The following ACOT8 variants were observed in gnomAD, a reference collection of about 807,000 sequenced individuals.
ACOT8 encodes the protein acyl-coenzyme A thioesterase 8.
In ACOT8, 31 loss-of-function variants were observed where a neutral mutation model predicts 38.4. The observed-to-expected ratio is 0.81, with a 90% confidence interval of 0.61 to 1.09. The LOEUF is 1.09. Among genes scored for constraint, ACOT8 ranks in the 50% least tolerant of loss-of-function variants. The probability of loss-of-function intolerance (pLI) is 0.00; values close to 1 mark genes in which losing one functional copy is unlikely to be tolerated. For synonymous variants in ACOT8, 158 were observed against 170.3 expected (o/e 0.93, Z 0.56); for missense variants, 373 against 421.8 (o/e 0.88, Z 1.01).
chr20:45,846,743 C>A (rs1007696815), intron 3 of ACOT8, among the ~76,000 whole-genome samples: 12 of 152,274 alleles, frequency 7.9e-5, no homozygotes, highest in Admixed American at 5.2e-4. Flanking sequence ...TGTGTCTATC[C>A]TTTGTCTGGA....
intron 3 of ACOT8, among the ~76,000 whole-genome samples, chr20:45,846,772 G>A (rs1336313864): frequency 6.6e-6 from 1 of 152,128 alleles, no homozygotes; most frequent in East Asian, 1.9e-4. Flanking sequence ...TCTTTCCCCT[G>A]TACCAGCATT....
At chr20:45,851,627 A>G (rs1418188681) in intron 2 of ACOT8, among the ~76,000 whole-genome samples, 1 of 152,242 alleles carries the variant, frequency 6.6e-6, no homozygotes, top group South Asian at 2.1e-4. Flanking sequence ...TGGTCTCACA[A>G]TAACTATGTA....
rs754676114 is a variant in ACOT8 at position 45,843,521 on chromosome 20, A to G, written c.841+6T>C. ...GTGCCCTTGTCCCACACGGCCCCACACTCACCGGCCCAGGGGCTCTCGCAT... is the reference window on the plus strand; with the variant it reads ...GTGCCCTTGTCCCACACGGCCCCACGCTCACCGGCCCAGGGGCTCTCGCAT... On this transcript the variant is annotated splice_donor_region_variant and intron_variant, in intron 5 of 5. Transcript: ENST00000217455. The G allele has an allele frequency of 5.0e-6, 8 of 1,608,870 alleles. No individual in the cohort carries two copies. Among genetic ancestry groups the G allele is most frequent in the East Asian group, 2.2e-5 (1 of 44,700 alleles).
rs892504403 is a variant in ACOT8 at position 45,841,854 on chromosome 20, G to C, written c.944C>G (p.Ser315Ter). The change falls in exon 6 of 6, where the codon TCA (serine) becomes TGA (stop). Residue 315 changes from serine to a stop codon, truncating the protein, a stop_gained. Coordinates refer to ENST00000217455, the MANE Select transcript of ACOT8 (RefSeq NM_005469.4). LOFTEE classifies it high-confidence loss of function. ...TACCTCTGGCTACAGCTTGCTCTCT[G>C]AGACCTGGGGCTTCACTCGGATCAC... ...EGVIRVKPQVSESKL is the reference protein window; with the variant it reads ...EGVIRVKPQV The C allele has an allele frequency of 4.0e-5, 64 of 1,605,664 alleles. No individual in the cohort carries two copies. Among genetic ancestry groups the C allele is most frequent in the East Asian group, 8.9e-5 (4 of 44,752 alleles).
At chr20:45,852,281 ACT>A (rs1985115286) in intron 2 of ACOT8, among the ~76,000 whole-genome samples, 1 of 149,754 alleles carries the variant, frequency 6.7e-6, no homozygotes, top group Admixed American at 6.6e-5. Flanking sequence ...GATTCTCCTG[ACT>A]CAGCCTCCTG....
chr20:45,842,111 G>A, intron 5 of ACOT8, 155 bp from the exon 6 acceptor site: 1 of 1,534,592 alleles, frequency 6.5e-7, no homozygotes, highest in Non-Finnish European at 8.7e-7. Context: ...GAGCAGCTGG[G>A]ATTACAGGCG....
intron 1 of ACOT8, among the ~76,000 whole-genome samples, chr20:45,856,283 G>A (rs951070199): frequency 6.6e-6 from 1 of 151,608 alleles, no homozygotes; most frequent in African/African-American, 2.4e-5. Context: ...AAATCAAATA[G>A]CCCTCCAAGA....
intron 2 of ACOT8, among the ~76,000 whole-genome samples, chr20:45,851,084 G>C (rs767388051): frequency 6.6e-6 from 1 of 152,186 alleles, no homozygotes; most frequent in Non-Finnish European, 1.5e-5. Context: ...AGCAGGTCTA[G>C]AGAAGTGTTG....
intron 2 of ACOT8, chr20:45,853,749 C>T (rs1601100859): frequency 2.8e-6 from 1 of 362,878 alleles, no homozygotes; most frequent in Non-Finnish European, 5.2e-6. Flanking sequence ...TATTCAAATA[C>T]TTTATAGCAG....
chr20:45,850,498 T>C (rs568409910), intron 2 of ACOT8, among the ~76,000 whole-genome samples: 2 of 152,314 alleles, frequency 1.3e-5, no homozygotes, highest in South Asian at 4.1e-4. Flanking sequence ...GTTGCTGCTA[T>C]TGTGCGTCAG....
chr20:45,848,418 A>G (rs372718378), intron 3 of ACOT8, 32 bp downstream of exon 3: 27 of 1,518,140 alleles, frequency 1.8e-5, no homozygotes, highest in Middle Eastern at 1.8e-4. Flanking sequence ...TGCATTTTGA[A>G]AAGTCTGCCA....
intron 2 of ACOT8, among the ~76,000 whole-genome samples, chr20:45,852,377 C>A (rs1261819914): frequency 6.6e-6 from 1 of 151,716 alleles, no homozygotes; most frequent in East Asian, 1.9e-4. Flanking sequence ...TGGAGTTTCG[C>A]CACATTGTCC....
At chr20:45,852,080 G>A (rs13041788) in intron 2 of ACOT8, among the ~76,000 whole-genome samples, 69,024 of 151,806 alleles carry the variant, frequency 0.45, 16,890 homozygotes, top group Non-Finnish European at 0.55. Context: ...ACCTCCAGCC[G>A]CCGGGTTCAA....
intron 3 of ACOT8, among the ~76,000 whole-genome samples, chr20:45,846,738 C>T (rs889301107): frequency 6.6e-6 from 1 of 152,190 alleles, no homozygotes; most frequent in Non-Finnish European, 1.5e-5. Context: ...ATCCATGTGT[C>T]TATCCTTTGT....
At chr20:45,853,989 G>A (rs539726824) in intron 2 of ACOT8, 10 of 1,302,384 alleles carry the variant, frequency 7.7e-6, no homozygotes, top group Non-Finnish European at 9.1e-6. Context: ...TCTGCTCTGG[G>A]GGTAACAGGG....
At chr20:45,850,817 G>T (rs940671549) in intron 2 of ACOT8, among the ~76,000 whole-genome samples, 7 of 152,192 alleles carry the variant, frequency 4.6e-5, no homozygotes, top group Non-Finnish European at 8.8e-5. Flanking sequence ...AGCCATGACT[G>T]CGTCACTGTG....
chr20:45,843,723 T>C lies in ACOT8; in HGVS notation c.647-2A>G. On this transcript the variant is annotated splice_acceptor_variant, in intron 4 of 5. Transcript: ENST00000217455. LOFTEE classifies it high-confidence loss of function. ...AGTGCATCTTCATGTCGCCCTCGCC[T>C]GCAACAGGTCCCCATCAGCCCTGGG... 6.2e-7 allele frequency: 1 copy of C among 1,605,838 alleles called. No individual in the cohort carries two copies. Among genetic ancestry groups the C allele is most frequent in the Non-Finnish European group, 8.5e-7 (1 of 1,173,548 alleles).
intron 4 of ACOT8, chr20:45,843,979 A>G (rs867339681): frequency 2.1e-5 from 17 of 802,936 alleles, no homozygotes; most frequent in Middle Eastern, 3.6e-4. Flanking sequence ...TCTTCTTCCA[A>G]TTTGCACAAA....
chr20:45,852,456 G>A (rs1985129281), intron 2 of ACOT8, among the ~76,000 whole-genome samples: 1 of 152,026 alleles, frequency 6.6e-6, no homozygotes, highest in Non-Finnish European at 1.5e-5. Flanking sequence ...TGGGATTACA[G>A]GCATAAGCCA....
Sources: allele counts gnomAD v4.1 joint callset (sites outside exome capture counted in the v4.1 genomes callset), GRCh38; gene constraint gnomAD v4.1.1; transcripts MANE v1.5; gene names NCBI Gene and HGNC (gene_info 2026-07-23, HGNC 2026-07-21).